The following NFAT5 variants were observed in gnomAD, a reference collection of about 807,000 sequenced individuals.
The protein encoded by NFAT5 is nuclear factor of activated T cells 5.
A neutral mutation model predicts 166.5 loss-of-function variants in NFAT5; 31 were observed. That is an observed-to-expected ratio of 0.19 (90% CI 0.14 to 0.25). The LOEUF (loss-of-function observed/expected upper bound fraction) is 0.25. Among genes scored for constraint, NFAT5 ranks in the 10% least tolerant of loss-of-function variants. The pLI, the probability that NFAT5 is intolerant of heterozygous loss-of-function variation, is 1.00. For missense variants in NFAT5, 1,449 were observed against 1,821.8 expected, an observed-to-expected ratio of 0.80 and a Z score of 3.72; for synonymous variants, 612 against 639.7, an observed-to-expected ratio of 0.96 and a Z score of 0.65.
intron 2 of NFAT5, among the ~76,000 whole-genome samples, chr16:69,575,180 T>C (rs1259655878): frequency 6.6e-6 from 1 of 152,104 alleles, no homozygotes; most frequent in African/African-American, 2.4e-5. Context: ...TATTTATTTA[T>C]TTATTTAGAG....
intron 2 of NFAT5, among the ~76,000 whole-genome samples, chr16:69,612,862 C>CAA (rs200524788): frequency 8.7e-6 from 1 of 114,484 alleles, no homozygotes; most frequent in African/African-American, 3.3e-5. Flanking sequence ...AATCCTGTCT[C>CAA]AAAAAAAAAA....
intron 10 of NFAT5, among the ~76,000 whole-genome samples, chr16:69,678,372 G>A (rs924900978): frequency 2.6e-5 from 4 of 151,470 alleles, no homozygotes; most frequent in African/African-American, 4.8e-5. Context: ...ACACCACCAC[G>A]CCCAGCTAAT....
intron 2 of NFAT5, among the ~76,000 whole-genome samples, chr16:69,613,688 C>G (rs2151560306): frequency 6.6e-6 from 1 of 152,322 alleles, no homozygotes; most frequent in East Asian, 1.9e-4. Flanking sequence ...CTCAGATCCT[C>G]CACAGATAAC....
intron 10 of NFAT5, among the ~76,000 whole-genome samples, chr16:69,684,558 G>A (rs1159961321): frequency 1.3e-5 from 2 of 150,800 alleles, no homozygotes; most frequent in Non-Finnish European, 3.0e-5. Context: ...AGACTCTGTC[G>A]CAAAAAAAAA....
In NFAT5 at chr16:69,693,119, T is replaced by A; in HGVS notation, c.3294T>A (p.Asp1098Glu). The change falls in exon 13 of 15, where the codon GAT (aspartate) becomes GAA (glutamate). Residue 1098 changes from aspartate (D) to glutamate (E), a missense_variant. By Grantham distance (45) the Asp-to-Glu change is conservative. Transcript: ENST00000349945. ...QLFHPQNPIADAQNLSQETQG... is the reference protein window; with the variant it reads ...QLFHPQNPIAEAQNLSQETQG... ...TTCATCCTCAAAATCCTATTGCCGATGCTCAGAACCTTTCCCAGGAAACTC... is the reference window on the plus strand; with the variant it reads ...TTCATCCTCAAAATCCTATTGCCGAAGCTCAGAACCTTTCCCAGGAAACTC... The A allele has an allele frequency of 6.2e-7, 1 of 1,614,164 alleles. No homozygotes were observed. Among genetic ancestry groups the A allele is most frequent in the Non-Finnish European group, 8.5e-7 (1 of 1,180,028 alleles).
chr16:69,579,047 T>C (rs2031492756), intron 2 of NFAT5, among the ~76,000 whole-genome samples: 1 of 152,084 alleles, frequency 6.6e-6, no homozygotes, highest in South Asian at 2.1e-4. Context: ...GCTAACTTTT[T>C]ATATTTTTAG....
chr16:69,580,548 A>T (rs569655028), intron 2 of NFAT5, among the ~76,000 whole-genome samples: 2 of 152,094 alleles, frequency 1.3e-5, no homozygotes, highest in Admixed American at 1.3e-4. Flanking sequence ...AAGTTTAGGC[A>T]TTTATAGCAC....
chr16:69,623,826 T>C (rs1037042534), intron 2 of NFAT5, among the ~76,000 whole-genome samples: 1 of 145,980 alleles, frequency 6.9e-6, no homozygotes, highest in Non-Finnish European at 1.5e-5. Context: ...TTTTTTTCTT[T>C]TTTTTGCCCA....
At chr16:69,612,575 G>A (rs2033753163) in intron 2 of NFAT5, among the ~76,000 whole-genome samples, 2 of 152,186 alleles carry the variant, frequency 1.3e-5, no homozygotes, top group Admixed American at 6.5e-5. Context: ...GCCAGGTGCA[G>A]TGGTTCATGC....
At chr16:69,671,433 C>T (rs775170393) in intron 9 of NFAT5, among the ~76,000 whole-genome samples, 19 of 152,356 alleles carry the variant, frequency 1.2e-4, no homozygotes, top group Middle Eastern at 3.4e-3. Flanking sequence ...TACAGTGGCG[C>T]GATTTCAGCT....
At chr16:69,646,036 A>C (rs2035425997) in intron 3 of NFAT5, among the ~76,000 whole-genome samples, 1 of 152,202 alleles carries the variant, frequency 6.6e-6, no homozygotes, top group Non-Finnish European at 1.5e-5. Context: ...TTTTATGCTT[A>C]ACTATTTTCT....
intron 2 of NFAT5, among the ~76,000 whole-genome samples, chr16:69,580,007 T>C (rs1194857114): frequency 6.6e-6 from 1 of 152,148 alleles, no homozygotes; most frequent in Non-Finnish European, 1.5e-5. Flanking sequence ...TAAAAGTATG[T>C]ACCCAGAGGA....
chr16:69,625,832 T>A (rs1308535786), intron 2 of NFAT5, among the ~76,000 whole-genome samples: 1 of 151,878 alleles, frequency 6.6e-6, no homozygotes, highest in Non-Finnish European at 1.5e-5. Flanking sequence ...CAATTTTCAA[T>A]GTTAATAACT....
chr16:69,626,168 G>A (rs959772920), intron 2 of NFAT5, among the ~76,000 whole-genome samples: 3 of 149,810 alleles, frequency 2.0e-5, no homozygotes, highest in East Asian at 1.9e-4. Flanking sequence ...GCCCAAACTC[G>A]TCTTTAATTC....
chr16:69,618,443 G>T (rs1035050516), intron 2 of NFAT5, among the ~76,000 whole-genome samples: 15 of 152,206 alleles, frequency 9.9e-5, no homozygotes, highest in African/African-American at 3.6e-4. Flanking sequence ...TGAATATCCA[G>T]TGGACCTGCA....
chr16:69,614,918 C>A (rs1329812524), intron 2 of NFAT5, among the ~76,000 whole-genome samples: 1 of 148,124 alleles, frequency 6.8e-6, no homozygotes, highest in East Asian at 2.0e-4. Context: ...GCTCTGTTAC[C>A]CAGGCTGGAG....
chr16:69,619,730 C>G (rs1394687424), intron 2 of NFAT5, among the ~76,000 whole-genome samples: 1 of 152,174 alleles, frequency 6.6e-6, no homozygotes, highest in African/African-American at 2.4e-5. Context: ...GAGGTCTTTT[C>G]ATCTCTTCCT....
At chr16:69,624,704 G>T (rs2034367952) in intron 2 of NFAT5, among the ~76,000 whole-genome samples, 1 of 152,022 alleles carries the variant, frequency 6.6e-6, no homozygotes, top group Non-Finnish European at 1.5e-5. Context: ...CAGTTAACTA[G>T]AAATATTGTC....
chr16:69,601,914 A>C (rs2033151496), intron 2 of NFAT5, among the ~76,000 whole-genome samples: 1 of 152,172 alleles, frequency 6.6e-6, no homozygotes, highest in Admixed American at 6.5e-5. Context: ...TCTCTTGAGA[A>C]TGGATCCAAA....
Sources: allele counts gnomAD v4.1 joint callset (sites outside exome capture counted in the v4.1 genomes callset), GRCh38; gene constraint gnomAD v4.1.1; transcripts MANE v1.5; gene names NCBI Gene and HGNC (gene_info 2026-07-23, HGNC 2026-07-21).